Variants in VRK2 observed in about 807,000 individuals in gnomAD.
The protein encoded by VRK2 is serine/threonine-protein kinase VRK2.
In VRK2, 60 loss-of-function variants were observed where a neutral mutation model predicts 57.6. The observed-to-expected ratio is 1.04, with a 90% confidence interval of 0.85 to 1.29. VRK2 has a LOEUF of 1.29. Among genes scored for constraint, VRK2 ranks in the 50% most tolerant of loss-of-function variants. The probability of loss-of-function intolerance (pLI) is 0.00; values close to 1 mark genes in which losing one functional copy is unlikely to be tolerated. For missense variants in VRK2, 705 were observed against 588.1 expected, an observed-to-expected ratio of 1.20 and a Z score of -2.06; for synonymous variants, 231 against 199.2, an observed-to-expected ratio of 1.16 and a Z score of -1.35.
chr2:58,056,559 A>G (rs1572878382), intron 2 of VRK2, among the ~76,000 whole-genome samples: 1 of 152,174 alleles, frequency 6.6e-6, no homozygotes, highest in South Asian at 2.1e-4. Flanking sequence ...CCTTAATCCA[A>G]CCTGTTCTGC....
At chr2:58,003,554 A>C (rs1187543700) in intron 1 of VRK2, among the ~76,000 whole-genome samples, 1 of 152,136 alleles carries the variant, frequency 6.6e-6, no homozygotes, top group Admixed American at 6.5e-5. Context: ...GAAAACTGCA[A>C]ATTATTTTTA....
intron 1 of VRK2, among the ~76,000 whole-genome samples, chr2:57,992,785 C>T (rs970089896): frequency 1.5e-4 from 23 of 152,320 alleles, no homozygotes; most frequent in Admixed American, 1.4e-3. Context: ...ATCCAGCCGC[C>T]TCGGCCTCCC....
At chr2:57,934,270 G>A (rs1670832188) in intron 1 of VRK2, among the ~76,000 whole-genome samples, 4 of 152,142 alleles carry the variant, frequency 2.6e-5, no homozygotes, top group Admixed American at 2.6e-4. Flanking sequence ...AACTGCCCTT[G>A]AATCAGGTTG....
intron 1 of VRK2, among the ~76,000 whole-genome samples, chr2:57,939,647 G>A (rs1283433294): frequency 6.6e-6 from 1 of 152,090 alleles, no homozygotes; most frequent in East Asian, 1.9e-4. Flanking sequence ...TACTTTGATT[G>A]AGAAAGTATA....
At chr2:58,046,735 C>G, upstream of VRK2, 2 of 985,548 alleles carry the variant, frequency 2.0e-6, no homozygotes, top group Non-Finnish European at 2.4e-6. Flanking sequence ...AGAAGTTAGG[C>G]AGGTCCTAGG....
chr2:58,088,203 G>C (rs913526692), intron 5 of VRK2, 138 bp from the exon 6 acceptor site: 1 of 642,340 alleles, frequency 1.6e-6, no homozygotes, highest in African/African-American at 1.8e-5. Context: ...TTATGAACGT[G>C]CATTCATTCT....
chr2:58,116,011 G>A (rs897190350), intron 7 of VRK2, among the ~76,000 whole-genome samples: 13 of 152,318 alleles, frequency 8.5e-5, no homozygotes, highest in South Asian at 4.1e-4. Flanking sequence ...TTGATAAGGC[G>A]CAGATTCTGA....
chr2:57,927,959 T>C (rs1442804696), intron 1 of VRK2, among the ~76,000 whole-genome samples: 1 of 152,200 alleles, frequency 6.6e-6, no homozygotes, highest in Non-Finnish European at 1.5e-5. Flanking sequence ...CTCTTGCTTT[T>C]AGGATACTTT....
chr2:58,135,113 C>T, intron 9 of VRK2, 28 bp from the exon 10 acceptor site: 4 of 1,611,214 alleles, frequency 2.5e-6, no homozygotes, highest in Non-Finnish European at 2.5e-6. Context: ...AAAACATGTT[C>T]ATTGTGCATT....
At chr2:58,040,591 C>T (rs565992531) in intron 3 of VRK2, among the ~76,000 whole-genome samples, 122 of 152,246 alleles carry the variant, frequency 8.0e-4, no homozygotes, top group Non-Finnish European at 1.5e-3. Flanking sequence ...CTGTGTGGAC[C>T]ACAACTTGGT....
chr2:58,074,859 CT>C (rs759082637), intron 2 of VRK2, among the ~76,000 whole-genome samples: 1 of 152,006 alleles, frequency 6.6e-6, no homozygotes, highest in African/African-American at 2.4e-5. Flanking sequence ...CTTTTATAAT[CT>C]TACGACTAAA....
At chr2:58,078,531 G>C (rs1264062397) in intron 2 of VRK2, among the ~76,000 whole-genome samples, 2 of 152,020 alleles carry the variant, frequency 1.3e-5, no homozygotes, top group African/African-American at 2.4e-5. Flanking sequence ...GGGATTGCTA[G>C]ATCATATGGT....
At chr2:58,136,941 TATA>T (rs1448228107) in intron 10 of VRK2, among the ~76,000 whole-genome samples, 1 of 136,256 alleles carries the variant, frequency 7.3e-6, no homozygotes, top group Non-Finnish European at 1.5e-5. Context: ...TCATATATAT[TATA>T]TATCATATAT....
At chr2:57,916,760 G>C (rs1206613493) in intron 1 of VRK2, among the ~76,000 whole-genome samples, 1 of 152,148 alleles carries the variant, frequency 6.6e-6, no homozygotes, top group East Asian at 1.9e-4. Context: ...GTAGAGAAAA[G>C]CCATTTACAG....
At chr2:58,136,969 T>C (rs1680234915) in intron 10 of VRK2, among the ~76,000 whole-genome samples, 1 of 135,116 alleles carries the variant, frequency 7.4e-6, no homozygotes, top group South Asian at 2.2e-4. Flanking sequence ...ATATATATCA[T>C]ATATTATATA....
At chr2:57,948,520 C>G (rs529580463) in intron 1 of VRK2, among the ~76,000 whole-genome samples, 7 of 152,168 alleles carry the variant, frequency 4.6e-5, no homozygotes, top group African/African-American at 1.7e-4. Flanking sequence ...TGCAAAGAAG[C>G]TTTTCTTGTT....
intron 5 of VRK2, 27 bp from the exon 6 acceptor site, chr2:58,088,314 T>G: frequency 6.7e-7 from 1 of 1,483,554 alleles, no homozygotes; most frequent in Non-Finnish European, 9.3e-7. Flanking sequence ...CTCAGGATGA[T>G]CTCTTTTTGA....
intron 7 of VRK2, among the ~76,000 whole-genome samples, chr2:58,111,652 C>G (rs1463979738): frequency 6.6e-6 from 1 of 152,088 alleles, no homozygotes; most frequent in Non-Finnish European, 1.5e-5. Context: ...GCTAGTCTTA[C>G]TACAACGCAA....
At chr2:58,021,539 C>T (rs1015268634) in intron 1 of VRK2, among the ~76,000 whole-genome samples, 3 of 152,246 alleles carry the variant, frequency 2.0e-5, no homozygotes, top group East Asian at 1.9e-4. Context: ...ATACTATGAC[C>T]GTTTATCTGG....
Sources: gnomAD v4.1 joint callset for allele counts (sites outside exome capture counted in the v4.1 genomes callset) on GRCh38, gnomAD v4.1.1 for gene constraint, MANE v1.5 for transcripts, NCBI Gene and HGNC (gene_info 2026-07-23, HGNC 2026-07-21) for gene names.